Variants in PTBP3 observed in about 807,000 individuals in gnomAD.
The protein encoded by PTBP3 is polypyrimidine tract-binding protein 3.
A neutral mutation model predicts 58.7 loss-of-function variants in PTBP3; 20 were observed. The ratio of observed to expected loss-of-function variants is 0.34; its 90% confidence interval spans 0.24 to 0.50. The LOEUF (loss-of-function observed/expected upper bound fraction) is 0.50. Among genes scored for constraint, PTBP3 ranks in the 20% least tolerant of loss-of-function variants. PTBP3 has a pLI of 0.98. For missense variants in PTBP3, 509 were observed against 637.2 expected (o/e 0.80, Z 2.17); for synonymous variants, 185 against 219.8 (o/e 0.84, Z 1.40).
chr9:112,253,583 TGG>T (rs1197921825), intron 5 of PTBP3, among the ~76,000 whole-genome samples: 2 of 152,176 alleles, frequency 1.3e-5, no homozygotes, highest in African/African-American at 4.8e-5. Context: ...TCTGTTGATA[TGG>T]TTTGGCTCTG....
chr9:112,262,802 A>T (rs895550281), intron 4 of PTBP3, among the ~76,000 whole-genome samples: 1 of 152,214 alleles, frequency 6.6e-6, no homozygotes, highest in Non-Finnish European at 1.5e-5. Flanking sequence ...CAGTATTTTT[A>T]AAAGGTGCTT....
chr9:112,320,388 T>C (rs532542256), intron 1 of PTBP3, among the ~76,000 whole-genome samples: 1 of 148,282 alleles, frequency 6.7e-6, no homozygotes, highest in Non-Finnish European at 1.5e-5. Flanking sequence ...ATTTAGTCAC[T>C]GCACAATGTA....
intron 2 of PTBP3, among the ~76,000 whole-genome samples, chr9:112,284,763 T>C (rs889518912): frequency 1.3e-5 from 2 of 152,140 alleles, no homozygotes; most frequent in African/African-American, 2.4e-5. Flanking sequence ...ACTGCCCCAC[T>C]GGATTTTGAA....
the PTBP3 span, among the ~76,000 whole-genome samples, chr9:112,375,142 A>G: frequency 6.6e-6 from 1 of 152,178 alleles, no homozygotes; most frequent in African/African-American, 2.4e-5. Flanking sequence ...TATCCACTTG[A>G]TTATTAAAAT....
At position 112,220,747 on chromosome 9, in the gene PTBP3, A is replaced by G. The variant is rs1190550928; in HGVS notation, c.*3104T>C. The G allele has an allele frequency of 4.1e-6, 4 of 983,458 alleles. No individual in the cohort carries two copies. Among genetic ancestry groups the G allele is most frequent in the Non-Finnish European group, 3.6e-6 (3 of 828,152 alleles). The allele number at this position is 983,458 out of a possible 1,614,324, so 60.9% of individuals were successfully genotyped here. A position where few individuals can be genotyped will look rare whatever the true frequency, so the allele number is the denominator to read the frequency against. ...TGCTATGCAAATTATTCAAATCTCA[A>G]AGTAAATCATTTTGGTGTAATTCGC... On this transcript the variant is annotated 3_prime_UTR_variant, in exon 14 of 14. Coordinates refer to ENST00000374257, the MANE Select transcript of PTBP3 (RefSeq NM_001163788.4).
intron 7 of PTBP3, among the ~76,000 whole-genome samples, chr9:112,241,868 C>T (rs1420554948): frequency 1.3e-5 from 2 of 152,186 alleles, no homozygotes; most frequent in Admixed American, 6.5e-5. Context: ...GATTAGTTTG[C>T]ATTTTATAGA....
At chr9:112,266,210 T>C (rs1589841406) in intron 4 of PTBP3, among the ~76,000 whole-genome samples, 1 of 152,106 alleles carries the variant, frequency 6.6e-6, no homozygotes, top group South Asian at 2.1e-4. Context: ...ACAATGTGAG[T>C]GTACTTAATG....
intron 1 of PTBP3, among the ~76,000 whole-genome samples, chr9:112,331,367 C>T (rs1276508820): frequency 5.3e-5 from 8 of 152,108 alleles, no homozygotes; most frequent in African/African-American, 1.7e-4. Flanking sequence ...TTCTAAGCCC[C>T]AAGAAACTGT....
At chr9:112,293,675 C>T (rs1828544184) in intron 2 of PTBP3, among the ~76,000 whole-genome samples, 1 of 152,192 alleles carries the variant, frequency 6.6e-6, no homozygotes, top group African/African-American at 2.4e-5. Context: ...ATGGACTCAG[C>T]CTCCACTTCT....
At chr9:112,260,097 T>C (rs554945057) in intron 5 of PTBP3, among the ~76,000 whole-genome samples, 44 of 152,190 alleles carry the variant, frequency 2.9e-4, no homozygotes, top group Non-Finnish European at 5.7e-4. Context: ...TTAGAAGAGA[T>C]AGGGTTTCAC....
intron 8 of PTBP3, among the ~76,000 whole-genome samples, chr9:112,234,568 A>C (rs1835369561): frequency 6.6e-6 from 1 of 152,206 alleles, no homozygotes; most frequent in African/African-American, 2.4e-5. Context: ...GCCTATAGTT[A>C]TTTGTGCCAA....
chr9:112,268,712 C>CAAA (rs56196327), intron 3 of PTBP3, among the ~76,000 whole-genome samples: 7 of 94,062 alleles, frequency 7.4e-5, no homozygotes, highest in Non-Finnish European at 1.1e-4. Context: ...GACACCGTCT[C>CAAA]AAAAAAAAAA....
intron 10 of PTBP3, among the ~76,000 whole-genome samples, chr9:112,229,768 A>C (rs907159271): frequency 5.9e-5 from 9 of 152,160 alleles, no homozygotes; most frequent in Non-Finnish European, 1.3e-4. Flanking sequence ...ATGGGGTCTC[A>C]CTATCTGGCC....
intron 11 of PTBP3, 122 bp from the exon 12 acceptor site, chr9:112,227,749 G>A: frequency 1.3e-6 from 1 of 753,230 alleles, no homozygotes; most frequent in East Asian, 2.7e-5. Context: ...CAGTTTGAGG[G>A]TGAAAAGGGT....
chr9:112,278,346 C>G (rs1827714662), intron 2 of PTBP3, among the ~76,000 whole-genome samples: 1 of 152,026 alleles, frequency 6.6e-6, no homozygotes, highest in Non-Finnish European at 1.5e-5. Flanking sequence ...TTTTTGGCAC[C>G]CTCCCTGCAG....
intron 5 of PTBP3, among the ~76,000 whole-genome samples, chr9:112,253,924 G>A (rs952939747): frequency 3.9e-5 from 6 of 152,102 alleles, no homozygotes; most frequent in African/African-American, 1.4e-4. Context: ...ATAGCAGTGT[G>A]AAAATGAACT....
At chr9:112,228,705 C>G (rs942572086) in intron 10 of PTBP3, among the ~76,000 whole-genome samples, 1 of 152,150 alleles carries the variant, frequency 6.6e-6, no homozygotes, top group Non-Finnish European at 1.5e-5. Flanking sequence ...ATTCATCCCC[C>G]CTTTCCTCTC....
At chr9:112,239,394 C>A (rs10759540) in intron 7 of PTBP3, among the ~76,000 whole-genome samples, 1 of 151,864 alleles carries the variant, frequency 6.6e-6, no homozygotes, top group South Asian at 2.1e-4. Flanking sequence ...ACACAGAATA[C>A]GCAATAAGTT....
Position 112,297,822 on chromosome 9 carries a change from A to C in PTBP3, c.34+10T>G, listed in dbSNP as rs761406875. On this transcript the variant is annotated intron_variant, in intron 2 of 13. Coordinates refer to ENST00000374257, the MANE Select transcript of PTBP3 (RefSeq NM_001163788.4). Reference sequence around the variant, plus strand: ...AGAAATCAAATATTAAAAAAAAAAAAAAAACTCACCATACACACCTGTAGA... The same window carrying C: ...AGAAATCAAATATTAAAAAAAAAAACAAAACTCACCATACACACCTGTAGA... 1.9e-6 allele frequency: 3 copies of C among 1,545,250 alleles called. No individual in the cohort carries two copies. The highest frequency in any genetic ancestry group is 1.4e-5 in the African/African-American group (1 of 71,112).
Sources: allele counts gnomAD v4.1 joint callset (sites outside exome capture counted in the v4.1 genomes callset), GRCh38; gene constraint gnomAD v4.1.1; transcripts MANE v1.5; gene names NCBI Gene and HGNC (gene_info 2026-07-23, HGNC 2026-07-21).